The following RGS3 variants were observed in gnomAD, a reference collection of about 807,000 sequenced individuals.
RGS3 encodes regulator of G-protein signalling 3.
In RGS3, 80 loss-of-function variants were observed where a neutral mutation model predicts 132.6. That is an observed-to-expected ratio of 0.60 (90% CI 0.50 to 0.73). The LOEUF is 0.73. Among genes scored for constraint, RGS3 ranks in the 30% least tolerant of loss-of-function variants. The pLI, the probability that RGS3 is intolerant of heterozygous loss-of-function variation, is 0.00. For synonymous variants in RGS3, 598 were observed against 620.6 expected (o/e 0.96, Z 0.54); for missense variants, 1,382 against 1,530.8 (o/e 0.90, Z 1.62).
chr9:113,510,302 T>C (rs1831346929), intron 14 of RGS3, among the ~76,000 whole-genome samples: 1 of 152,234 alleles, frequency 6.6e-6, no homozygotes, highest in Non-Finnish European at 1.5e-5. Context: ...ATTCCATCAA[T>C]GATGAGTTTT....
intron 21 of RGS3, chr9:113,594,040 G>A (rs758034372): frequency 4.3e-6 from 7 of 1,613,004 alleles, no homozygotes; most frequent in Non-Finnish European, 5.9e-6. Flanking sequence ...TGGCCAGAAG[G>A]AATTTTTTTT....
At chr9:113,581,446 A>G (rs1015533764) in intron 19 of RGS3, 1 of 152,250 alleles carries the variant, frequency 6.6e-6, no homozygotes, top group Non-Finnish European at 1.5e-5. Context: ...GTGTTTGGCA[A>G]AATTTGGTGT....
rs115126332 is a variant in RGS3, at chr9:113,569,773, G to A, written c.2038-13677G>A. On this transcript the variant is annotated intron_variant, in intron 19 of 24. Transcript: ENST00000350696. ...TCAGGTAATGGACAGTAACAACACAGCTTTAATGGAGAGGCATGGGGTGGG... is the reference window on the plus strand; with the variant it reads ...TCAGGTAATGGACAGTAACAACACAACTTTAATGGAGAGGCATGGGGTGGG... 1.6e-3 allele frequency among the ~76,000 whole-genome samples: 248 copies of A among 152,244 alleles called. 2 individuals are homozygous for A. The highest frequency in any genetic ancestry group is 5.5e-3 in the African/African-American group (228 of 41,544).
At chr9:113,586,293 C>A (rs576944699) in intron 20 of RGS3, among the ~76,000 whole-genome samples, 1 of 152,362 alleles carries the variant, frequency 6.6e-6, no homozygotes, top group South Asian at 2.1e-4. Context: ...CCCCACTACA[C>A]CCTTCCCAGT....
At chr9:113,485,639 A>G (rs1474054287) in exon 7 of RGS3, 1 of 1,598,504 alleles carries the variant, frequency 6.3e-7, no homozygotes, top group South Asian at 1.1e-5. Context: ...GTCCAAGAGG[A>G]GGATGATCAG....
chr9:113,450,961 C>T lies in RGS3; in HGVS notation c.-13+6034C>T, dbSNP rs112937968. On this transcript the variant is annotated intron_variant, in intron 1 of 25. Coordinates refer to the RGS3 transcript ENST00000374140. ...TTGGGAGGCTGAGGCGGGCGGATCA[C>T]GAGGTCAGGAGTTCAAGACCAGCCT... is the stretch of plus-strand genomic sequence containing the variant. Among the ~76,000 whole-genome samples, 13 of 151,918 alleles carry T rather than the reference C, an allele frequency of 8.6e-5. No individual in the cohort carries two copies. The South Asian group carries it at 1.2e-3, about 15-fold the overall frequency.
chr9:113,585,004 A>G (rs1208326358), intron 20 of RGS3, among the ~76,000 whole-genome samples: 1 of 152,260 alleles, frequency 6.6e-6, no homozygotes, highest in Non-Finnish European at 1.5e-5. Context: ...TTCCAGGGCC[A>G]GTGCTCTTAA....
chr9:113,536,798 G>T (rs1469832535), exon 19 of RGS3: 1 of 1,613,350 alleles, frequency 6.2e-7, no homozygotes, highest in Admixed American at 1.7e-5. Context: ...GACGTCAGAA[G>T]GCAGAGTGCT....
chr9:113,459,995 C>T (rs375905301), upstream of RGS3, among the ~76,000 whole-genome samples: 14 of 150,204 alleles, frequency 9.3e-5, no homozygotes, highest in East Asian at 1.6e-3. Context: ...GAGCAGAGAT[C>T]GCACCACTGC....
chr9:113,563,955 T>TA (rs1402212742), intron 19 of RGS3, among the ~76,000 whole-genome samples: 1 of 151,682 alleles, frequency 6.6e-6, no homozygotes, highest in Non-Finnish European at 1.5e-5. Flanking sequence ...CATGGGAAAA[T>TA]AGAGGCTCCT....
chr9:113,484,327 CAAAAAAAAAAA>C lies in RGS3; in HGVS notation c.620+107_620+117del, dbSNP rs775299940. 3 of 85,312 alleles carry C rather than the reference CAAAAAAAAAAA, an allele frequency of 3.5e-5. No individual in the cohort carries two copies. The South Asian group carries it at 1.2e-3, about 33-fold the overall frequency. 5.3% of individuals were successfully genotyped at this position (85,312 alleles called of 1,614,324 possible). A position where few individuals can be genotyped will look rare whatever the true frequency, so the allele number is the denominator to read the frequency against. On this transcript the variant is annotated intron_variant, in intron 6 of 24. Coordinates refer to ENST00000350696, the Ensembl canonical transcript of RGS3. The stretch of plus-strand genomic sequence containing the variant: ...TGCCAAATCTAGAACTAGATCTATG[CAAAAAAAAAAA>C]AAAAAAAAAAACCAAAACAAAAAAA...
At chr9:113,562,451 T>TG (rs1833832147) in intron 19 of RGS3, among the ~76,000 whole-genome samples, 1 of 134,670 alleles carries the variant, frequency 7.4e-6, no homozygotes, top group Non-Finnish European at 1.5e-5. Flanking sequence ...CACTCCAGCC[T>TG]GGGTGACAGA....
chr9:113,549,654 T>C (rs925870424), intron 19 of RGS3, among the ~76,000 whole-genome samples: 2 of 152,210 alleles, frequency 1.3e-5, no homozygotes, highest in African/African-American at 4.8e-5. Flanking sequence ...CACACATATA[T>C]CTTATTTGCA....
intron 10 of RGS3, chr9:113,501,625 C>T (rs377015367): frequency 6.7e-5 from 104 of 1,562,284 alleles, no homozygotes; most frequent in Non-Finnish European, 8.2e-5. Context: ...GCGCCGCTAC[C>T]GCCAGGTGGG....
chr9:113,541,271 C>A, intron 19 of RGS3: 2 of 1,584,274 alleles, frequency 1.3e-6, no homozygotes, highest in Non-Finnish European at 1.7e-6. Context: ...GTCAGGCAGC[C>A]CGGCCTGAGT....
chr9:113,536,356 C>G (rs547830628), intron 18 of RGS3: 1 of 397,334 alleles, frequency 2.5e-6, no homozygotes, highest in Admixed American at 6.1e-5. Flanking sequence ...CAGAGAAGAG[C>G]GCTGTGAGGA....
intron 19 of RGS3, among the ~76,000 whole-genome samples, chr9:113,553,459 A>AT (rs1554775560): frequency 3.9e-4 from 23 of 58,688 alleles, no homozygotes; most frequent in Non-Finnish European, 6.4e-4. Flanking sequence ...AAAAAAAAAA[A>AT]ATATATATAT....
chr9:113,479,128 C>T (rs1830081471), intron 3 of RGS3: 1 of 218,710 alleles, frequency 4.6e-6, no homozygotes, highest in African/African-American at 2.3e-5. Flanking sequence ...CCTCCATTTT[C>T]ACTCCTTCCA....
rs1199568938 is a variant in RGS3 at position 113,506,763 on chromosome 9, GC to G, written c.1085+271del. Among the ~76,000 whole-genome samples the G allele has an allele frequency of 6.6e-6, 1 of 152,206 alleles. No homozygotes were observed. The highest frequency in any genetic ancestry group is 2.4e-5 in the African/African-American group (1 of 41,458). On this transcript the variant is annotated intron_variant, in intron 12 of 24. Transcript: ENST00000350696. The surrounding 1 kb of genome is among the most constrained non-coding windows in gnomAD (Gnocchi z 4.7). The stretch of plus-strand genomic sequence containing the variant: ...ACGGGGCACCAGGAGGTTGCTTTCT[GC>G]TTTAGCTAATTTTTGTTACCTAAGA...
Sources: gnomAD v4.1 joint callset for allele counts (sites outside exome capture counted in the v4.1 genomes callset) on GRCh38, gnomAD v4.1.1 for gene constraint, Gnocchi (gnomAD v3.1) non-coding constraint, MANE v1.5 for transcripts, NCBI Gene and HGNC (gene_info 2026-07-23, HGNC 2026-07-21) for gene names.